The following BBS9 variants were observed in gnomAD, a reference collection of about 807,000 sequenced individuals.
BBS9 encodes the protein Bardet-Biedl syndrome 9, also known as protein PTHB1.
BBS9 carries 89 observed loss-of-function variants against 117.7 expected under a neutral mutation model. The observed-to-expected ratio is 0.76, with a 90% CI of 0.64 to 0.90. The LOEUF (loss-of-function observed/expected upper bound fraction) is 0.90. Among genes scored for constraint, BBS9 ranks in the 40% least tolerant of loss-of-function variants. The probability of loss-of-function intolerance (pLI) is 0.00; values close to 1 mark genes in which losing one functional copy is unlikely to be tolerated. For missense variants in BBS9, 982 were observed against 1,042.2 expected, an observed-to-expected ratio of 0.94 and a Z score of 0.80; for synonymous variants, 379 against 370.9, an observed-to-expected ratio of 1.02 and a Z score of -0.25.
At chr7:33,209,648 C>T in intron 5 of BBS9, among the ~76,000 whole-genome samples, 1 of 152,132 alleles carries the variant, frequency 6.6e-6, no homozygotes, top group Non-Finnish European at 1.5e-5. Context: ...AGGAATTTAT[C>T]CATTTCTTCT....
At chr7:33,468,335 A>G (rs563268505) in intron 19 of BBS9, among the ~76,000 whole-genome samples, 1 of 152,160 alleles carries the variant, frequency 6.6e-6, no homozygotes, top group Admixed American at 6.6e-5. Flanking sequence ...ACCCTATTAC[A>G]CAGTGATAAG....
chr7:33,278,814 T>C (rs1801270755), intron 9 of BBS9, among the ~76,000 whole-genome samples: 1 of 152,196 alleles, frequency 6.6e-6, no homozygotes, highest in South Asian at 2.1e-4. Context: ...CATGGGCAGA[T>C]ATTTGCAAGG....
chr7:33,150,978 G>A (rs914650387), intron 2 of BBS9, among the ~76,000 whole-genome samples: 1 of 152,116 alleles, frequency 6.6e-6, no homozygotes, highest in Non-Finnish European at 1.5e-5. Flanking sequence ...GTTTTGTACC[G>A]CATTTCAGGT....
rs148743411 is a variant in BBS9, at chr7:33,509,732, G to A, written c.2298+4087G>A. Among the ~76,000 whole-genome samples the A allele has an allele frequency of 2.9e-4, 44 of 152,282 alleles. No homozygotes were observed. In the East Asian group the frequency reaches 7.7e-3, roughly 27 times the overall value. Reference sequence around the variant, plus strand: ...TTATTTTGATGGTATGTGTTAAAAGGCAGCCTAAATGCAATAGCCAACCGT... The same window carrying A: ...TTATTTTGATGGTATGTGTTAAAAGACAGCCTAAATGCAATAGCCAACCGT... On this transcript the variant is annotated intron_variant, in intron 20 of 22. Transcript: ENST00000242067.
intron 6 of BBS9, among the ~76,000 whole-genome samples, chr7:33,262,205 G>C (rs1273931019): frequency 6.6e-6 from 1 of 152,086 alleles, no homozygotes; most frequent in East Asian, 1.9e-4. Flanking sequence ...GTCAATTTTG[G>C]CTGTGCCTCT....
chr7:33,515,138 G>A (rs906700713), intron 20 of BBS9, among the ~76,000 whole-genome samples: 1 of 152,078 alleles, frequency 6.6e-6, no homozygotes, highest in African/African-American at 2.4e-5. Flanking sequence ...ACCAGACACT[G>A]CCAATTAAAC....
intron 20 of BBS9, among the ~76,000 whole-genome samples, chr7:33,531,138 A>T (rs1054465491): frequency 3.3e-5 from 5 of 152,312 alleles, no homozygotes; most frequent in African/African-American, 1.2e-4. Flanking sequence ...CCAGCTACTC[A>T]GGAGGCTGAG....
At chr7:33,412,043 A>T (rs1831231157) in intron 19 of BBS9, among the ~76,000 whole-genome samples, 1 of 152,122 alleles carries the variant, frequency 6.6e-6, no homozygotes, top group Admixed American at 6.5e-5. Flanking sequence ...TTTTTTTTAA[A>T]CTAAAATGTA....
chr7:33,347,662 A>T, intron 12 of BBS9, among the ~76,000 whole-genome samples: 1 of 151,996 alleles, frequency 6.6e-6, no homozygotes, highest in East Asian at 1.9e-4. Flanking sequence ...ATCACTTAAA[A>T]TTAATACATT....
At chr7:33,333,001 C>T (rs2128616723) in intron 9 of BBS9, among the ~76,000 whole-genome samples, 1 of 152,206 alleles carries the variant, frequency 6.6e-6, no homozygotes, top group Non-Finnish European at 1.5e-5. Context: ...AACCCCCTCC[C>T]CCAGCCCCTG....
At chr7:33,300,071 A>T (rs1299611586) in intron 9 of BBS9, among the ~76,000 whole-genome samples, 1 of 152,180 alleles carries the variant, frequency 6.6e-6, no homozygotes, top group Non-Finnish European at 1.5e-5. Context: ...CCTGTATCTG[A>T]AAGGGCCAGA....
intron 21 of BBS9, among the ~76,000 whole-genome samples, chr7:33,626,876 A>C (rs982782115): frequency 2.0e-5 from 3 of 152,250 alleles, no homozygotes; most frequent in Non-Finnish European, 4.4e-5. Context: ...TATATTTAAA[A>C]GGGAAGCAGA....
At chr7:33,474,053 A>T (rs765324180) in intron 19 of BBS9, among the ~76,000 whole-genome samples, 2 of 152,240 alleles carry the variant, frequency 1.3e-5, no homozygotes, top group African/African-American at 2.4e-5. Context: ...AAATGATTAA[A>T]ATCCAAATTG....
At chr7:33,241,990 G>A (rs1468759884) in intron 5 of BBS9, among the ~76,000 whole-genome samples, 2 of 152,000 alleles carry the variant, frequency 1.3e-5, no homozygotes, top group African/African-American at 4.8e-5. Flanking sequence ...TGACTTTGAG[G>A]TCATATTCTT....
intron 21 of BBS9, among the ~76,000 whole-genome samples, chr7:33,546,767 A>G (rs1853439669): frequency 6.6e-6 from 1 of 152,226 alleles, no homozygotes; most frequent in South Asian, 2.1e-4. Flanking sequence ...ATGATGTTCC[A>G]CAACGCATTC....
intron 5 of BBS9, among the ~76,000 whole-genome samples, chr7:33,234,699 C>CCACACACA (rs58160238): frequency 6.7e-6 from 1 of 149,786 alleles, no homozygotes; most frequent in South Asian, 2.1e-4. Context: ...CTCCATCTAT[C>CCACACACA]CACACACACA....
At chr7:33,563,410 A>T (rs1042298153) in intron 21 of BBS9, among the ~76,000 whole-genome samples, 1 of 152,180 alleles carries the variant, frequency 6.6e-6, no homozygotes, top group Non-Finnish European at 1.5e-5. Flanking sequence ...AAAAGAATTT[A>T]CGATCTCCAC....
At chr7:33,193,048 A>G (rs1562772775) in intron 5 of BBS9, among the ~76,000 whole-genome samples, 1 of 152,138 alleles carries the variant, frequency 6.6e-6, no homozygotes, top group African/African-American at 2.4e-5. Flanking sequence ...TCCCTTTTAC[A>G]TCCTATCCAT....
intron 19 of BBS9, among the ~76,000 whole-genome samples, chr7:33,473,043 G>A (rs1009061652): frequency 9.9e-5 from 15 of 152,106 alleles, no homozygotes; most frequent in East Asian, 9.7e-4. Flanking sequence ...TGGCCCTGCC[G>A]AGCTCCAGCT....
Sources: gnomAD v4.1 joint callset for allele counts (sites outside exome capture counted in the v4.1 genomes callset) on GRCh38, gnomAD v4.1.1 for gene constraint, MANE v1.5 for transcripts, NCBI Gene and HGNC (gene_info 2026-07-23, HGNC 2026-07-21) for gene names.